The following CTNND1 variants were observed in gnomAD, a reference collection of about 807,000 sequenced individuals.
CTNND1 encodes catenin delta 1, also known as catenin delta-1.
A neutral mutation model predicts 112.1 loss-of-function variants in CTNND1; 16 were observed. The observed-to-expected ratio is 0.14, with a 90% CI of 0.10 to 0.22. The LOEUF is 0.22. Among genes scored for constraint, CTNND1 ranks in the 10% least tolerant of loss-of-function variants. CTNND1 has a pLI of 1.00. For synonymous variants in CTNND1, 420 were observed against 446.5 expected, an observed-to-expected ratio of 0.94 and a Z score of 0.75; for missense variants, 1,008 against 1,257.0, an observed-to-expected ratio of 0.80 and a Z score of 3.00.
rs183191344 is a variant in CTNND1, at chr11:57,767,651, G to A, written c.-214+5532G>A. Among the ~76,000 whole-genome samples, 6 of 149,320 alleles carry A rather than the reference G, an allele frequency of 4.0e-5. No homozygotes were observed. In the East Asian group the frequency reaches 1.2e-3, roughly 30 times the overall value. On this transcript the variant is annotated intron_variant, in intron 1 of 20. Coordinates refer to ENST00000399050, the MANE Select transcript of CTNND1 (RefSeq NM_001085458.2). ...AATTGCTTAATCTCTCTCTGCCTTG[G>A]CCTCCTTGTCTGTAAAATGGGGATA...
chr11:57,774,567 G>A (rs1011554394), intron 1 of CTNND1, among the ~76,000 whole-genome samples: 7 of 152,138 alleles, frequency 4.6e-5, no homozygotes, highest in African/African-American at 1.7e-4. Context: ...GAGCTGTCTG[G>A]TGAGCAGTAA....
Position 57,808,551 on chromosome 11 carries a change from G to C in CTNND1, c.2242+11G>C, listed in dbSNP as rs2062972380. ...ACAAAGAATTAATTGGTGAGGAGTT[G>C]AATGCTAACTGTTACCTCAAAATTT... On this transcript the variant is annotated intron_variant, in intron 14 of 20. Coordinates refer to ENST00000399050, the MANE Select transcript of CTNND1 (RefSeq NM_001085458.2). The C allele has an allele frequency of 6.3e-7, 1 of 1,579,856 alleles. No individual in the cohort carries two copies. Among genetic ancestry groups the C allele is most frequent in the Non-Finnish European group, 8.6e-7 (1 of 1,166,084 alleles).
intron 17 of CTNND1, 60 bp from the exon 18 acceptor site, chr11:57,814,251 T>C: frequency 1.6e-6 from 2 of 1,253,872 alleles, no homozygotes; most frequent in South Asian, 1.3e-5. Flanking sequence ...GCAATTTTCA[T>C]GATGTGTACA....
chr11:57,803,538 T>TA (rs1489390611), intron 7 of CTNND1, 83 bp from the exon 8 acceptor site: 2 of 1,069,846 alleles, frequency 1.9e-6, no homozygotes, highest in East Asian at 2.6e-5. Flanking sequence ...TGAGAAGTGA[T>TA]ACGATAGGGG....
intron 5 of CTNND1, among the ~76,000 whole-genome samples, chr11:57,796,057 A>T (rs185426303): frequency 3.3e-5 from 5 of 152,228 alleles, no homozygotes; most frequent in Admixed American, 3.3e-4. Context: ...TGACCTAGGG[A>T]TATAAAGATT....
At chr11:57,769,032 C>T (rs553774804) in intron 1 of CTNND1, among the ~76,000 whole-genome samples, 4 of 151,264 alleles carry the variant, frequency 2.6e-5, no homozygotes, top group African/African-American at 4.8e-5. Context: ...AGAGGCTGGG[C>T]GCGGTGGCTC....
intron 11 of CTNND1, 102 bp downstream of exon 11, chr11:57,806,580 T>A: frequency 1.8e-6 from 2 of 1,089,172 alleles, no homozygotes; most frequent in Non-Finnish European, 2.7e-6. Flanking sequence ...TCTATGCATG[T>A]AGGAAAGTTC....
At chr11:57,765,397 A>G (rs1008667671) in intron 1 of CTNND1, among the ~76,000 whole-genome samples, 1 of 152,050 alleles carries the variant, frequency 6.6e-6, no homozygotes. Context: ...ATCAAATTGC[A>G]ATGTACTTTT....
At chr11:57,778,353 C>T (rs758538139) in intron 1 of CTNND1, among the ~76,000 whole-genome samples, 3 of 152,172 alleles carry the variant, frequency 2.0e-5, no homozygotes, top group Non-Finnish European at 2.9e-5. Flanking sequence ...ATTCCATTGA[C>T]TGAATCCAGA....
At position 57,795,725 on chromosome 11, in the gene CTNND1, C is replaced by A; in HGVS notation, c.416C>A (p.Thr139Asn). The A allele has an allele frequency of 6.3e-7, 1 of 1,591,618 alleles. No individual in the cohort carries two copies. The highest frequency in any genetic ancestry group is 8.5e-7 in the Non-Finnish European group (1 of 1,172,800). Residue 139 changes from threonine (T) to asparagine (N), a missense_variant, in exon 5 of 21, where the codon ACC becomes AAC. Transcript: ENST00000399050. ...GATGGGACCACTCGGCGCACAGAGA[C>A]CACGGTAAACTAAGACGTGTGTAAG... is the stretch of plus-strand genomic sequence containing the variant. ...SDDGTTRRTE[T>N]TVKKVVKTVT...
intron 1 of CTNND1, among the ~76,000 whole-genome samples, chr11:57,775,741 TG>T (rs1449628677): frequency 6.8e-6 from 1 of 146,426 alleles, no homozygotes; most frequent in Non-Finnish European, 1.5e-5. Context: ...GGAATATGGG[TG>T]GGGGAGGGGC....
chr11:57,811,194 C>T (rs2063315134), intron 16 of CTNND1, among the ~76,000 whole-genome samples: 1 of 152,016 alleles, frequency 6.6e-6, no homozygotes, highest in Non-Finnish European at 1.5e-5. Flanking sequence ...ATATTTGGAT[C>T]CTTTGTAATC....
At chr11:57,768,434 C>T (rs1400582277) in intron 1 of CTNND1, among the ~76,000 whole-genome samples, 11 of 145,640 alleles carry the variant, frequency 7.6e-5, no homozygotes, top group Non-Finnish European at 1.5e-4. Flanking sequence ...TGCTCTGTCG[C>T]CCAGGCTGGA....
intron 7 of CTNND1, 96 bp from the exon 8 acceptor site, chr11:57,803,525 G>T: frequency 1.1e-6 from 1 of 920,756 alleles, no homozygotes. Context: ...CACTGGGGAA[G>T]ACTGAGAAGT....
chr11:57,761,864 G>A lies in CTNND1; in HGVS notation c.-469G>A. ...GCTGGGTGCAACTTCCATTTTAGGT[G>A]TTGGATCTGAGGGGGAAAAAAAAGA... On this transcript the variant is annotated 5_prime_UTR_variant, in exon 1 of 21. Coordinates refer to ENST00000399050, the MANE Select transcript of CTNND1 (RefSeq NM_001085458.2). The A allele has an allele frequency of 8.1e-6, 8 of 985,136 alleles. No homozygotes were observed. Among genetic ancestry groups the A allele is most frequent in the Non-Finnish European group, 8.4e-6 (7 of 829,896 alleles). 61.0% of individuals were successfully genotyped at this position (985,136 alleles called of 1,614,324 possible).
In CTNND1 at chr11:57,764,319, A is replaced by C. The variant is rs143680458; in HGVS notation, c.-214+2200A>C. Among the ~76,000 whole-genome samples the C allele has an allele frequency of 3.2e-3, 488 of 152,214 alleles. 4 individuals carry two copies. The highest frequency in any genetic ancestry group is 0.01 in the African/African-American group (433 of 41,528). On this transcript the variant is annotated intron_variant, in intron 1 of 20. Coordinates refer to ENST00000399050, the MANE Select transcript of CTNND1 (RefSeq NM_001085458.2). The stretch of plus-strand genomic sequence containing the variant: ...AGCATGGACAGTCAGAGAAGCTCCA[A>C]CATGTTCTCTGAGCTAGGGTAAAAT...
At position 57,809,328 on chromosome 11, in the gene CTNND1, C is replaced by T. The variant is rs1242547014; in HGVS notation, c.2297C>T (p.Ser766Phe). ...AATCTGCCAGGAGGACAGCAGAACT[C>T]CTCTTGGAATTTCTCTGAGGACACT... ...VKNLPGGQQNSSWNFSEDTVI... is the reference protein window; with the variant it reads ...VKNLPGGQQNFSWNFSEDTVI... The change falls in exon 15 of 21, where the codon TCC (serine) becomes TTC (phenylalanine). Residue 766 changes from serine (S) to phenylalanine (F), a missense_variant. Ser to Phe is a radical substitution (Grantham distance 155). Around this residue, in one of 5 missense-constraint regions of CTNND1, gnomAD observed 254 missense variants for 279.5 expected, o/e 0.91. Coordinates refer to ENST00000399050, the MANE Select transcript of CTNND1 (RefSeq NM_001085458.2). The T allele has an allele frequency of 6.2e-7, 1 of 1,613,848 alleles. No individual in the cohort carries two copies. Among genetic ancestry groups the T allele is most frequent in the Non-Finnish European group, 8.5e-7 (1 of 1,179,868 alleles).
intron 1 of CTNND1, among the ~76,000 whole-genome samples, chr11:57,770,872 C>T (rs1265125683): frequency 6.6e-6 from 1 of 152,108 alleles, no homozygotes; most frequent in Non-Finnish European, 1.5e-5. Context: ...ATATTCAGTA[C>T]ACTTTTAAAA....
chr11:57,816,596 G>T lies in CTNND1; in HGVS notation c.*288G>T. The T allele has an allele frequency of 4.0e-6, 2 of 501,548 alleles. No homozygotes were observed. Among genetic ancestry groups the T allele is most frequent in the East Asian group, 3.5e-5 (1 of 28,540 alleles). The allele number at this position is 501,548 out of a possible 1,614,324, so 31.1% of individuals were successfully genotyped here. On this transcript the variant is annotated 3_prime_UTR_variant, in exon 21 of 21. Coordinates refer to ENST00000399050, the MANE Select transcript of CTNND1 (RefSeq NM_001085458.2). ...AAACTGCTGCAGATTAGTTCTTTTT[G>T]CCAGTTTTCCCTGGAACTCCTGGCC...
Sources: allele counts gnomAD v4.1 joint callset (sites outside exome capture counted in the v4.1 genomes callset), GRCh38; gene constraint gnomAD v4.1.1; regional missense constraint gnomAD v4.1.1; transcripts MANE v1.5; gene names NCBI Gene and HGNC (gene_info 2026-07-23, HGNC 2026-07-21).